Variants in CACNA1E observed in about 807,000 individuals in gnomAD.
The protein encoded by CACNA1E is calcium voltage-gated channel subunit alpha1 E.
Under a neutral mutation model 259.2 loss-of-function variants are expected in CACNA1E, and 40 were observed. The ratio of observed to expected loss-of-function variants is 0.15; its 90% CI spans 0.12 to 0.20. The LOEUF (loss-of-function observed/expected upper bound fraction) is 0.20, where lower values mean the gene tolerates loss of function less well. CACNA1E is among the 10% of genes least tolerant of loss of function. CACNA1E has a pLI of 1.00. For synonymous variants in CACNA1E, 1,104 were observed against 1,138.5 expected, an observed-to-expected ratio of 0.97 and a Z score of 0.61; for missense variants, 1,874 against 3,040.1, an observed-to-expected ratio of 0.62 and a Z score of 9.02.
chr1:181,559,871 T>C (rs1480861217), intron 3 of CACNA1E, among the ~76,000 whole-genome samples: 1 of 151,504 alleles, frequency 6.6e-6, no homozygotes, highest in East Asian at 1.9e-4. Context: ...GGAGAGGGGG[T>C]CATCACAGAG....
Position 181,688,476 on chromosome 1 carries a change from G to A in CACNA1E, c.1056-22478G>A, listed in dbSNP as rs141655963. ...TTCTGGGGCTATAGGACATTTGCAT[G>A]CTTAACTCTGCAAGATAATGCCCAA... is the stretch of plus-strand genomic sequence containing the variant. On this transcript the variant is annotated intron_variant, in intron 7 of 47. Coordinates refer to ENST00000367573, the MANE Select transcript of CACNA1E (RefSeq NM_001205293.3). 5.8e-3 allele frequency among the ~76,000 whole-genome samples: 883 copies of A among 152,222 alleles called. 10 individuals carry two copies. The highest frequency in any genetic ancestry group is 0.02 in the African/African-American group (846 of 41,516).
intron 17 of CACNA1E, among the ~76,000 whole-genome samples, chr1:181,725,121 T>G (rs902238795): frequency 1.3e-5 from 2 of 152,238 alleles, no homozygotes; most frequent in African/African-American, 4.8e-5. Flanking sequence ...TCTACAGAGA[T>G]GAGTAAAAAC....
chr1:181,651,331 C>T lies in CACNA1E; in HGVS notation c.952-7C>T. The T allele has an allele frequency of 6.3e-7, 1 of 1,593,280 alleles. No homozygotes were observed. On this transcript the variant is annotated splice_region_variant and splice_polypyrimidine_tract_variant and intron_variant, in intron 6 of 47. Transcript: ENST00000367573. The stretch of plus-strand genomic sequence containing the variant: ...AAGTATTAAGGAACCATTTTTCTTT[C>T]TTTCAGACCAATGATGCCTTAGGAG...
chr1:181,322,889 G>A (rs996071558), intron 1 of CACNA1E, among the ~76,000 whole-genome samples: 4 of 152,232 alleles, frequency 2.6e-5, no homozygotes, highest in African/African-American at 9.6e-5. Flanking sequence ...GAATGGGGCT[G>A]AGGGAGGGCA....
intron 6 of CACNA1E, among the ~76,000 whole-genome samples, chr1:181,599,327 G>C (rs755620955): frequency 2.1e-4 from 32 of 152,278 alleles, no homozygotes; most frequent in Middle Eastern, 3.4e-3. Context: ...AGTATTCCAT[G>C]GTGTATATGT....
At chr1:181,602,039 G>A (rs1339377603) in intron 6 of CACNA1E, among the ~76,000 whole-genome samples, 2 of 152,176 alleles carry the variant, frequency 1.3e-5, no homozygotes, top group Non-Finnish European at 1.5e-5. Context: ...CCGTCCTCTG[G>A]TCTTTACTCG....
intron 3 of CACNA1E, among the ~76,000 whole-genome samples, chr1:181,522,152 C>T (rs930704941): frequency 3.3e-5 from 5 of 152,190 alleles, no homozygotes; most frequent in Admixed American, 6.5e-5. Context: ...TTAAAGTCCT[C>T]AGTGTCCCTT....
intron 7 of CACNA1E, among the ~76,000 whole-genome samples, chr1:181,701,416 T>C (rs138559925): frequency 6.6e-6 from 1 of 152,214 alleles, no homozygotes; most frequent in Non-Finnish European, 1.5e-5. Flanking sequence ...TGAAATGCTC[T>C]TACTTCCCTG....
intron 3 of CACNA1E, among the ~76,000 whole-genome samples, chr1:181,545,506 C>T (rs1647351190): frequency 6.6e-6 from 1 of 152,090 alleles, no homozygotes; most frequent in Non-Finnish European, 1.5e-5. Flanking sequence ...TTGGAATCCC[C>T]CCACACTGAG....
At chr1:181,484,672 G>C (rs555362283) in intron 1 of CACNA1E, among the ~76,000 whole-genome samples, 133 of 152,354 alleles carry the variant, frequency 8.7e-4, no homozygotes, top group African/African-American at 3.0e-3. Context: ...CAAACTTGGA[G>C]TTCTCCTCTC....
At chr1:181,778,230 G>A (rs1228755228) in intron 38 of CACNA1E, among the ~76,000 whole-genome samples, 2 of 152,126 alleles carry the variant, frequency 1.3e-5, no homozygotes, top group Non-Finnish European at 2.9e-5. Context: ...CAAAAGGGGG[G>A]CTGAAACCAG....
At chr1:181,630,820 T>G (rs1284992894) in intron 6 of CACNA1E, among the ~76,000 whole-genome samples, 4 of 152,172 alleles carry the variant, frequency 2.6e-5, no homozygotes, top group Non-Finnish European at 5.9e-5. Flanking sequence ...GTCGTCACCC[T>G]GGGACCTGAA....
At chr1:181,498,906 G>C (rs1250425783) in intron 1 of CACNA1E, among the ~76,000 whole-genome samples, 1 of 152,150 alleles carries the variant, frequency 6.6e-6, no homozygotes, top group African/African-American at 2.4e-5. Context: ...TGGGGCATAG[G>C]AGGCTGGATA....
chr1:181,625,878 G>A (rs969106264), intron 6 of CACNA1E, among the ~76,000 whole-genome samples: 1 of 152,148 alleles, frequency 6.6e-6, no homozygotes, highest in African/African-American at 2.4e-5. Context: ...TCTAGCTTTT[G>A]ATTTAAAGTC....
chr1:181,334,350 C>T (rs184410139), intron 1 of CACNA1E, among the ~76,000 whole-genome samples: 2 of 152,300 alleles, frequency 1.3e-5, no homozygotes, highest in East Asian at 3.9e-4. Context: ...ATCCAAGGTC[C>T]AGATTTAAAA....
intron 30 of CACNA1E, 69 bp from the exon 31 acceptor site, chr1:181,757,878 T>A (rs1254240521): frequency 1.9e-6 from 3 of 1,542,232 alleles, no homozygotes; most frequent in Non-Finnish European, 2.7e-6. Context: ...CTTCTGAGCA[T>A]GGAACAGAGC....
intron 35 of CACNA1E, among the ~76,000 whole-genome samples, chr1:181,770,101 G>C (rs571772663): frequency 6.6e-6 from 1 of 152,284 alleles, no homozygotes; most frequent in Non-Finnish European, 1.5e-5. Context: ...GAGCAAAATA[G>C]CTGGGGGCAG....
At chr1:181,537,183 T>A (rs773165518) in intron 3 of CACNA1E, among the ~76,000 whole-genome samples, 3 of 134,918 alleles carry the variant, frequency 2.2e-5, no homozygotes, top group Non-Finnish European at 3.1e-5. Context: ...CACTGCACCC[T>A]CCACCTCCAA....
chr1:181,732,255 G>C lies in CACNA1E; in HGVS notation c.2298-129G>C. ...CTCCTCGCATCTTTCTGTGCTTCCT[G>C]TCTGCAGGTCCTGGGCACTCCCATT... is the stretch of plus-strand genomic sequence containing the variant. On this transcript the variant is annotated intron_variant, in intron 19 of 47. Transcript: ENST00000367573. The surrounding 1 kb of genome is among the most constrained non-coding windows in gnomAD (Gnocchi z 5.5). 6 of 1,338,280 alleles carry C rather than the reference G, an allele frequency of 4.5e-6. No individual in the cohort carries two copies. The highest frequency in any genetic ancestry group is 5.8e-6 in the Non-Finnish European group (6 of 1,035,022). 82.9% of individuals were successfully genotyped at this position (1,338,280 alleles called of 1,614,324 possible).
Sources: gnomAD v4.1 joint callset for allele counts (sites outside exome capture counted in the v4.1 genomes callset) on GRCh38, gnomAD v4.1.1 for gene constraint, Gnocchi (gnomAD v3.1) non-coding constraint, MANE v1.5 for transcripts, NCBI Gene and HGNC (gene_info 2026-07-23, HGNC 2026-07-21) for gene names.